The following SLC9A9 variants were observed in gnomAD, a reference collection of about 807,000 sequenced individuals.
SLC9A9 encodes solute carrier family 9 member A9, also known as sodium/hydrogen exchanger 9.
A neutral mutation model predicts 77.8 loss-of-function variants in SLC9A9; 62 were observed. That is an observed-to-expected ratio of 0.80 (90% CI 0.65 to 0.98). SLC9A9 has a LOEUF of 0.98. Ranked by LOEUF, SLC9A9 falls within the 50% of genes least tolerant of loss-of-function variation. The probability of loss-of-function intolerance (pLI) is 0.00; values close to 1 mark genes in which losing one functional copy is unlikely to be tolerated. For synonymous variants in SLC9A9, 320 were observed against 283.5 expected, an observed-to-expected ratio of 1.13 and a Z score of -1.29; for missense variants, 775 against 774.9, an observed-to-expected ratio of 1.00 and a Z score of 0.00.
At chr3:143,363,401 G>A (rs1576449504) in intron 14 of SLC9A9, 83 bp downstream of exon 14, 4 of 1,188,484 alleles carry the variant, frequency 3.4e-6, no homozygotes, top group Admixed American at 3.4e-5. Flanking sequence ...TGAAGAGCAG[G>A]AGTGCACACT....
chr3:143,805,403 A>C (rs905894057), intron 2 of SLC9A9, among the ~76,000 whole-genome samples: 6 of 151,692 alleles, frequency 4.0e-5, no homozygotes, highest in Non-Finnish European at 5.9e-5. Flanking sequence ...GCCACCCCCC[A>C]AAAAAATTTT....
chr3:143,484,110 A>C (rs1392274250), intron 11 of SLC9A9, among the ~76,000 whole-genome samples: 3 of 152,354 alleles, frequency 2.0e-5, no homozygotes, highest in African/African-American at 7.2e-5. Flanking sequence ...GAAAGGCTTC[A>C]TCTAAACTTA....
intron 3 of SLC9A9, among the ~76,000 whole-genome samples, chr3:143,796,540 A>C (rs899485087): frequency 6.6e-6 from 1 of 152,206 alleles, no homozygotes; most frequent in African/African-American, 2.4e-5. Context: ...ATAAATACAA[A>C]ATCTTTAAAA....
At chr3:143,574,887 G>T (rs1283330108) in intron 7 of SLC9A9, among the ~76,000 whole-genome samples, 1 of 152,162 alleles carries the variant, frequency 6.6e-6, no homozygotes, top group African/African-American at 2.4e-5. Flanking sequence ...GAGATGATTA[G>T]GAGTACGTGA....
intron 14 of SLC9A9, among the ~76,000 whole-genome samples, chr3:143,315,961 C>T (rs958443991): frequency 5.1e-4 from 78 of 152,148 alleles, no homozygotes; most frequent in Admixed American, 4.1e-3. Flanking sequence ...GGAAGCAGAG[C>T]GGGGAGATGG....
intron 14 of SLC9A9, among the ~76,000 whole-genome samples, chr3:143,360,107 T>G (rs2032703215): frequency 6.6e-6 from 1 of 152,210 alleles, no homozygotes; most frequent in African/African-American, 2.4e-5. Flanking sequence ...GGTATCTTGA[T>G]GGACTTTAGG....
chr3:143,438,674 CCA>C (rs1443942749), intron 12 of SLC9A9, among the ~76,000 whole-genome samples: 1 of 152,178 alleles, frequency 6.6e-6, no homozygotes, highest in Non-Finnish European at 1.5e-5. Flanking sequence ...CTGGAAAGAC[CCA>C]CAGGGTATGG....
chr3:143,658,575 T>C (rs528179190), intron 5 of SLC9A9, among the ~76,000 whole-genome samples: 2 of 152,366 alleles, frequency 1.3e-5, no homozygotes, highest in African/African-American at 4.8e-5. Flanking sequence ...TATTTATATT[T>C]GTTTAAGCCC....
intron 6 of SLC9A9, among the ~76,000 whole-genome samples, chr3:143,620,889 C>T (rs935189238): frequency 4.0e-4 from 61 of 152,156 alleles, no homozygotes; most frequent in Admixed American, 7.9e-4. Flanking sequence ...TGACAGACGG[C>T]ACCTGGAAAA....
chr3:143,591,047 A>G (rs879645337), intron 6 of SLC9A9, among the ~76,000 whole-genome samples: 1 of 152,176 alleles, frequency 6.6e-6, no homozygotes, highest in African/African-American at 2.4e-5. Flanking sequence ...TCATTCTCAC[A>G]TTAGATAAAC....
At chr3:143,579,785 A>G (rs1373199091) in intron 6 of SLC9A9, among the ~76,000 whole-genome samples, 3 of 152,206 alleles carry the variant, frequency 2.0e-5, no homozygotes, top group Non-Finnish European at 2.9e-5. Flanking sequence ...TGAATCTTTT[A>G]TCTTGCCAAT....
At chr3:143,556,515 C>T (rs2036986458) in intron 8 of SLC9A9, among the ~76,000 whole-genome samples, 1 of 152,204 alleles carries the variant, frequency 6.6e-6, no homozygotes, top group Non-Finnish European at 1.5e-5. Context: ...CAATGATACA[C>T]CTCAGAAAGG....
chr3:143,689,232 T>A (rs986296262), intron 5 of SLC9A9, among the ~76,000 whole-genome samples: 3 of 152,134 alleles, frequency 2.0e-5, no homozygotes, highest in Non-Finnish European at 4.4e-5. Flanking sequence ...TTTACCATTA[T>A]CTCTTTCCAG....
intron 4 of SLC9A9, among the ~76,000 whole-genome samples, chr3:143,749,293 C>T (rs530361614): frequency 9.7e-4 from 147 of 152,202 alleles, no homozygotes; most frequent in African/African-American, 3.4e-3. Flanking sequence ...TCTTTCTCTA[C>T]TCCTGTTTTC....
chr3:143,420,103 T>G (rs1465504135), intron 12 of SLC9A9, among the ~76,000 whole-genome samples: 1 of 152,168 alleles, frequency 6.6e-6, no homozygotes, highest in Non-Finnish European at 1.5e-5. Flanking sequence ...TGATGGGTAA[T>G]GTGACAGTGG....
At chr3:143,341,069 C>CT in intron 14 of SLC9A9, among the ~76,000 whole-genome samples, 1 of 152,170 alleles carries the variant, frequency 6.6e-6, no homozygotes, top group Non-Finnish European at 1.5e-5. Context: ...TCTCACTATC[C>CT]TTTAGGCTGA....
At chr3:143,399,758 C>T (rs886707413) in intron 12 of SLC9A9, among the ~76,000 whole-genome samples, 6 of 152,146 alleles carry the variant, frequency 3.9e-5, no homozygotes, top group African/African-American at 1.4e-4. Flanking sequence ...GCTTAAACAA[C>T]TGTTGTATAT....
chr3:143,732,602 A>T (rs978935880), intron 4 of SLC9A9, among the ~76,000 whole-genome samples: 8 of 152,298 alleles, frequency 5.3e-5, no homozygotes, highest in African/African-American at 1.9e-4. Context: ...GACCACTCTG[A>T]CTTTAACGTC....
chr3:143,422,135 C>T (rs1190034293), intron 12 of SLC9A9, among the ~76,000 whole-genome samples: 3 of 152,164 alleles, frequency 2.0e-5, no homozygotes, highest in East Asian at 1.9e-4. Context: ...GGAACTCATA[C>T]ACTGTAGATG....
Sources: allele counts gnomAD v4.1 joint callset (sites outside exome capture counted in the v4.1 genomes callset), GRCh38; gene constraint gnomAD v4.1.1; transcripts MANE v1.5; gene names NCBI Gene and HGNC (gene_info 2026-07-23, HGNC 2026-07-21).